HMCN1: variants seen among roughly 807,000 people sequenced by gnomAD.
HMCN1 encodes hemicentin-1.
HMCN1 carries 321 observed loss-of-function variants against 625.9 expected under a neutral mutation model. The observed-to-expected ratio is 0.51, with a 90% CI of 0.47 to 0.56. HMCN1 has a LOEUF of 0.56. HMCN1 is among the 20% of genes least tolerant of loss of function. The pLI is 0.00. For missense variants in HMCN1, 6,588 were observed against 6,887.3 expected (o/e 0.96, Z 1.54); for synonymous variants, 2,425 against 2,417.6 (o/e 1.00, Z -0.09).
chr1:186,168,631 G>A (rs1571454713), intron 100 of HMCN1, among the ~76,000 whole-genome samples: 3 of 152,226 alleles, frequency 2.0e-5, no homozygotes, highest in Non-Finnish European at 2.9e-5. Context: ...TTCTTTTGAA[G>A]AGTTTGGAAT....
chr1:186,128,842 A>G (rs750947057), intron 83 of HMCN1, among the ~76,000 whole-genome samples: 6 of 152,252 alleles, frequency 3.9e-5, no homozygotes, highest in Non-Finnish European at 7.4e-5. Context: ...AGACTTTGTC[A>G]TCAGCATAAA....
At chr1:186,189,373 G>A (rs564986569) in intron 106 of HMCN1, 139 bp from the exon 107 acceptor site, 5 of 830,340 alleles carry the variant, frequency 6.0e-6, no homozygotes, top group African/African-American at 1.7e-5. Flanking sequence ...CACAGAAGAC[G>A]ACTGAGTCTT....
chr1:185,985,343 T>C (rs1370180359), intron 19 of HMCN1, among the ~76,000 whole-genome samples: 1 of 152,234 alleles, frequency 6.6e-6, no homozygotes, highest in African/African-American at 2.4e-5. Flanking sequence ...GACCAGACCA[T>C]AGATTTCTTG....
At chr1:185,771,750 G>C (rs554596449) in intron 1 of HMCN1, among the ~76,000 whole-genome samples, 1 of 152,210 alleles carries the variant, frequency 6.6e-6, no homozygotes, top group Admixed American at 6.6e-5. Flanking sequence ...ACCTAGAGCT[G>C]TCCTATTATG....
At chr1:185,874,980 C>G (rs549067284) in intron 4 of HMCN1, among the ~76,000 whole-genome samples, 1 of 150,904 alleles carries the variant, frequency 6.6e-6, no homozygotes, top group Non-Finnish European at 1.5e-5. Flanking sequence ...CAAATTAATG[C>G]AGTAATATTA....
At chr1:185,873,909 C>A (rs1042120607) in intron 4 of HMCN1, among the ~76,000 whole-genome samples, 2 of 151,734 alleles carry the variant, frequency 1.3e-5, no homozygotes, top group African/African-American at 4.8e-5. Context: ...AATTACCTAC[C>A]CAGGAACTCC....
Position 186,130,555 on chromosome 1 carries a change from T to C in HMCN1, c.13088T>C (p.Leu4363Pro). The C allele has an allele frequency of 1.2e-6, 2 of 1,613,582 alleles. No individual in the cohort carries two copies. Among genetic ancestry groups the C allele is most frequent in the Non-Finnish European group, 1.7e-6 (2 of 1,179,632 alleles). Residue 4363 changes from leucine (L) to proline (P), a missense_variant, in exon 85 of 107, where the codon CTT (leucine) becomes CCT (proline). Physicochemically the swap from Leu to Pro is moderately conservative, Grantham distance 98 (BLOSUM62 -3). This residue lies in a region of HMCN1 where 1,954 missense variants were observed against 2,013.1 expected (regional missense o/e 0.97). Coordinates refer to ENST00000271588, the MANE Select transcript of HMCN1 (RefSeq NM_031935.3). Reference protein sequence around the residue: ...GDYPSNWIEPLGGNAILNCEV... With the variant: ...GDYPSNWIEPPGGNAILNCEV... ...TATCCTTCTAACTGGATTGAACCAC[T>C]TGGTGGGAATGCAATCCTGAATTGT...
At chr1:185,993,043 T>C (rs1406921549) in intron 22 of HMCN1, 139 bp from the exon 23 acceptor site, 1 of 742,902 alleles carries the variant, frequency 1.3e-6, no homozygotes, top group Non-Finnish European at 2.4e-6. Flanking sequence ...GCTTTTAAGA[T>C]GTATAGATGT....
At chr1:186,179,115 G>A (rs937458597) in intron 104 of HMCN1, among the ~76,000 whole-genome samples, 6 of 152,110 alleles carry the variant, frequency 3.9e-5, no homozygotes, top group Admixed American at 6.5e-5. Context: ...ATAACGTAAT[G>A]CCATCAGATT....
At position 186,062,582 on chromosome 1, in the gene HMCN1, C is replaced by G; in HGVS notation, c.7495C>G (p.Leu2499Val). 1 of 1,611,462 alleles carries G rather than the reference C, an allele frequency of 6.2e-7. No homozygotes were observed. The highest frequency in any genetic ancestry group is 1.7e-5 in the Admixed American group (1 of 59,980). The change falls in exon 48 of 107, where the codon CTG becomes GTG. Residue 2499 changes from leucine (L) to valine (V), a missense_variant. Coordinates refer to ENST00000271588, the MANE Select transcript of HMCN1 (RefSeq NM_031935.3). ...GGTAAAAGAGAAACAGAGTGTTACGCTGACTTGTGAAGTGACAGGTATGGG... is the reference window on the plus strand; with the variant it reads ...GGTAAAAGAGAAACAGAGTGTTACGGTGACTTGTGAAGTGACAGGTATGGG... ...VKVKEKQSVT[L>V]TCEVTGNPVP...
intron 75 of HMCN1, among the ~76,000 whole-genome samples, chr1:186,115,845 C>T (rs1263484372): frequency 5.7e-5 from 7 of 122,322 alleles, no homozygotes; most frequent in Non-Finnish European, 3.2e-5. Flanking sequence ...GGAAAAACAG[C>T]ATTTTCTCCA....
chr1:185,954,101 G>C (rs561154033), intron 11 of HMCN1, among the ~76,000 whole-genome samples: 1 of 151,994 alleles, frequency 6.6e-6, no homozygotes, highest in Admixed American at 6.6e-5. Context: ...CAGTTAAGGT[G>C]GGGCAGGGCA....
chr1:186,095,950 A>T (rs1365973225), intron 68 of HMCN1, among the ~76,000 whole-genome samples: 1 of 152,186 alleles, frequency 6.6e-6, no homozygotes, highest in Non-Finnish European at 1.5e-5. Flanking sequence ...AGTTCTATTT[A>T]TTCTTGTGTG....
chr1:186,054,085 G>T, intron 44 of HMCN1, 99 bp downstream of exon 44: 1 of 1,191,630 alleles, frequency 8.4e-7, no homozygotes, highest in Non-Finnish European at 1.2e-6. Flanking sequence ...CATTCAAAAT[G>T]GTATGGTTGT....
At chr1:185,777,223 A>G (rs1656676072) in intron 1 of HMCN1, among the ~76,000 whole-genome samples, 1 of 150,114 alleles carries the variant, frequency 6.7e-6, no homozygotes, top group Non-Finnish European at 1.5e-5. Flanking sequence ...GTAGATGGAA[A>G]TTTCGTGCTG....
intron 80 of HMCN1, among the ~76,000 whole-genome samples, chr1:186,120,396 A>T (rs997417559): frequency 6.6e-6 from 1 of 152,200 alleles, no homozygotes. Flanking sequence ...CCTCTGTTTG[A>T]TACTCCATTT....
chr1:185,878,587 C>A (rs1397454653), intron 4 of HMCN1, among the ~76,000 whole-genome samples: 4 of 152,060 alleles, frequency 2.6e-5, no homozygotes, highest in Non-Finnish European at 5.9e-5. Context: ...ATAAGACCCA[C>A]CTGATTGTGA....
At chr1:186,087,781 CTATTTT>C (rs1659597423) in intron 60 of HMCN1, 136 bp downstream of exon 60, 1 of 1,163,314 alleles carries the variant, frequency 8.6e-7, no homozygotes, top group South Asian at 1.3e-5. Context: ...ATGCCATTGA[CTATTTT>C]TATAAAAAAT....
In HMCN1 at chr1:186,116,423, T is replaced by TATAC. The variant is rs560331702; in HGVS notation, c.11562-568_11562-567insCATA. 8.3e-3 allele frequency among the ~76,000 whole-genome samples: 1,261 copies of TATAC among 151,290 alleles called. 19 individuals carry two copies. Among genetic ancestry groups the TATAC allele is most frequent in the African/African-American group, 0.03 (1,224 of 41,314 alleles). On this transcript the variant is annotated intron_variant, in intron 75 of 106. Transcript: ENST00000271588. ...ATACACACACTTGTTCAAAACTAAA[T>TATAC]ATATATATATATACTTTTTTTGAAA...
Sources: gnomAD v4.1 joint callset for allele counts (sites outside exome capture counted in the v4.1 genomes callset) on GRCh38, gnomAD v4.1.1 for gene constraint, gnomAD v4.1.1 regional missense constraint, MANE v1.5 for transcripts, NCBI Gene and HGNC (gene_info 2026-07-23, HGNC 2026-07-21) for gene names.